Variants in ABCB7 observed in about 807,000 individuals in gnomAD.
ABCB7 encodes ATP binding cassette subfamily B member 7.
In ABCB7, 7 loss-of-function variants were observed where a neutral mutation model predicts 54.4. The observed-to-expected ratio is 0.13, with a 90% CI of 0.07 to 0.24. ABCB7 has a LOEUF of 0.24. ABCB7 is among the 10% of genes least tolerant of loss of function. The pLI is 1.00. For synonymous variants in ABCB7, 218 were observed against 207.1 expected (o/e 1.05, Z -0.45); for missense variants, 356 against 570.4 (o/e 0.62, Z 3.83).
intron 1 of ABCB7, among the ~76,000 whole-genome samples, chrX:75,142,634 C>T (rs2082061973): frequency 8.9e-6 from 1 of 112,381 alleles, no homozygotes; most frequent in African/African-American, 3.2e-5. Context: ...AACATCTACC[C>T]ACAAGACTTC....
At position 75,053,305 on chromosome X, in the gene ABCB7, A is replaced by T; in HGVS notation, c.*65T>A. The T allele has an allele frequency of 8.5e-7, 1 of 1,175,812 alleles. No homozygotes were observed. Among genetic ancestry groups the T allele is most frequent in the Non-Finnish European group, 1.1e-6 (1 of 870,112 alleles). ...TGGGAATGTATGATTTTTTTAATAA[A>T]ACAATTCTGCTTCAGTGCAAATATG... is the stretch of plus-strand genomic sequence containing the variant. On this transcript the variant is annotated 3_prime_UTR_variant, in exon 16 of 16. Coordinates refer to ENST00000373394, the MANE Select transcript of ABCB7 (RefSeq NM_001271696.3).
intron 4 of ABCB7, among the ~76,000 whole-genome samples, chrX:75,087,055 C>T (rs1287017891): frequency 3.6e-5 from 4 of 111,816 alleles, no homozygotes; most frequent in Admixed American, 1.9e-4. Context: ...TCATGAATAA[C>T]CCACCCCTTA....
rs373268311 is a variant in ABCB7, at chrX:75,069,495, C to T, written c.1366-41G>A. 4.3e-6 allele frequency: 5 copies of T among 1,153,880 alleles called. No individual in the cohort carries two copies. The African/African-American group carries it at 9.0e-5, about 21-fold the overall frequency. ...AAAAAAAAGCCACTTTACGCACTGCCTAGAGTACAGCTACGAAGACAATTT... is the reference window on the plus strand; with the variant it reads ...AAAAAAAAGCCACTTTACGCACTGCTTAGAGTACAGCTACGAAGACAATTT... On this transcript the variant is annotated intron_variant, in intron 10 of 15. Transcript: ENST00000373394.
At chrX:75,143,822 T>C (rs1344009251) in intron 1 of ABCB7, among the ~76,000 whole-genome samples, 1 of 110,651 alleles carries the variant, frequency 9.0e-6, no homozygotes, top group Non-Finnish European at 1.9e-5. Flanking sequence ...AAAAGACTTG[T>C]CCCCAAAATT....
intron 1 of ABCB7, among the ~76,000 whole-genome samples, chrX:75,129,469 A>G (rs1311458292): frequency 9.1e-6 from 1 of 110,238 alleles, no homozygotes; most frequent in African/African-American, 3.3e-5. Flanking sequence ...AAGGGAAGAG[A>G]TAGCATTAGC....
At chrX:75,071,715 G>A (rs759618917) in intron 8 of ABCB7, 32 bp from the exon 9 acceptor site, 3 of 983,383 alleles carry the variant, frequency 3.1e-6, no homozygotes, top group African/African-American at 1.9e-5. Flanking sequence ...CTATAGGCAA[G>A]TATAATTAGA....
chrX:75,090,630 G>T (rs2081537127), intron 4 of ABCB7, among the ~76,000 whole-genome samples: 1 of 107,344 alleles, frequency 9.3e-6, no homozygotes, highest in African/African-American at 3.3e-5. Context: ...GTAAGCAGAA[G>T]AATAAAAATT....
intron 1 of ABCB7, among the ~76,000 whole-genome samples, chrX:75,133,904 C>G (rs2081992027): frequency 8.9e-6 from 1 of 111,987 alleles, no homozygotes; most frequent in Non-Finnish European, 1.9e-5. Flanking sequence ...ACCATCAACA[C>G]TATAAAGCAA....
intron 1 of ABCB7, among the ~76,000 whole-genome samples, chrX:75,126,394 C>G (rs1216435948): frequency 9.0e-6 from 1 of 111,662 alleles, no homozygotes; most frequent in Non-Finnish European, 1.9e-5. Flanking sequence ...TGCTGGGACA[C>G]AGCTAAAGCA....
At chrX:75,154,366 A>G (rs1276747429) in intron 1 of ABCB7, among the ~76,000 whole-genome samples, 1 of 112,094 alleles carries the variant, frequency 8.9e-6, no homozygotes, top group Non-Finnish European at 1.9e-5. Context: ...TTTTATCTTA[A>G]GATATCTAAT....
intron 3 of ABCB7, among the ~76,000 whole-genome samples, chrX:75,109,682 TA>T (rs969337611): frequency 1.8e-5 from 2 of 109,851 alleles, no homozygotes; most frequent in Non-Finnish European, 3.8e-5. Context: ...CTAAAAAACA[TA>T]AAAAAAAATT....
intron 4 of ABCB7, among the ~76,000 whole-genome samples, chrX:75,081,451 G>T (rs955188742): frequency 3.6e-5 from 4 of 112,114 alleles, no homozygotes; most frequent in Non-Finnish European, 7.5e-5. Flanking sequence ...GCAAAATGGA[G>T]AAGACAGAGG....
chrX:75,153,951 A>G (rs1457538022), intron 1 of ABCB7, among the ~76,000 whole-genome samples: 1 of 109,320 alleles, frequency 9.1e-6, no homozygotes, highest in African/African-American at 3.3e-5. Context: ...CAGCTCTAAA[A>G]TATTATGCTA....
intron 12 of ABCB7, among the ~76,000 whole-genome samples, chrX:75,068,565 T>C (rs937881504): frequency 1.8e-5 from 2 of 112,447 alleles, no homozygotes; most frequent in African/African-American, 6.5e-5. Flanking sequence ...AAATCTACTA[T>C]GTTGAAAACT....
chrX:75,088,282 A>G, intron 4 of ABCB7, among the ~76,000 whole-genome samples: 1 of 112,625 alleles, frequency 8.9e-6, no homozygotes, highest in Non-Finnish European at 1.9e-5. Context: ...AAAAAAAATT[A>G]CAAGGCATGC....
intron 1 of ABCB7, among the ~76,000 whole-genome samples, chrX:75,140,316 A>G (rs749809221): frequency 9.0e-6 from 1 of 110,895 alleles, no homozygotes; most frequent in South Asian, 3.9e-4. Context: ...CTGTAGTTCA[A>G]CTACTGGGGA....
chrX:75,139,540 C>G (rs2082039438), intron 1 of ABCB7, among the ~76,000 whole-genome samples: 1 of 111,953 alleles, frequency 8.9e-6, no homozygotes, highest in Non-Finnish European at 1.9e-5. Context: ...ACTCACTGGT[C>G]AATCATGTAA....
At chrX:75,085,346 G>A (rs2081488678) in intron 4 of ABCB7, among the ~76,000 whole-genome samples, 1 of 111,842 alleles carries the variant, frequency 8.9e-6, no homozygotes, top group Admixed American at 9.5e-5. Flanking sequence ...CAGCTCAAAA[G>A]GTTATATACT....
chrX:75,127,758 C>T (rs2147547693), intron 1 of ABCB7, among the ~76,000 whole-genome samples: 1 of 111,894 alleles, frequency 8.9e-6, no homozygotes, highest in African/African-American at 3.2e-5. Context: ...CATTCCTGTG[C>T]AATCATTCAA....
Sources: allele counts gnomAD v4.1 joint callset (sites outside exome capture counted in the v4.1 genomes callset), GRCh38; gene constraint gnomAD v4.1.1; transcripts MANE v1.5; gene names NCBI Gene and HGNC (gene_info 2026-07-23, HGNC 2026-07-21).